Variants in DNAAF9 observed in about 807,000 individuals in gnomAD.
DNAAF9 encodes the protein dynein axonemal assembly factor 9.
DNAAF9 carries 90 observed loss-of-function variants against 167.0 expected under a neutral mutation model. The observed-to-expected ratio is 0.54, with a 90% CI of 0.45 to 0.64. DNAAF9 has a LOEUF of 0.64. DNAAF9 is among the 30% of genes least tolerant of loss of function. The pLI is 0.00. For synonymous variants in DNAAF9, 491 were observed against 508.8 expected, an observed-to-expected ratio of 0.96 and a Z score of 0.47; for missense variants, 1,315 against 1,442.2, an observed-to-expected ratio of 0.91 and a Z score of 1.43.
At chr20:3,260,465 T>C (rs1287017693) in intron 31 of DNAAF9, among the ~76,000 whole-genome samples, 3 of 152,248 alleles carry the variant, frequency 2.0e-5, no homozygotes. Flanking sequence ...GAAGCATGAC[T>C]GCCCAGTTAA....
At chr20:3,292,920 A>G (rs1366609615) in intron 25 of DNAAF9, among the ~76,000 whole-genome samples, 2 of 152,040 alleles carry the variant, frequency 1.3e-5, no homozygotes, top group Admixed American at 1.3e-4. Context: ...CCACATCTCT[A>G]TTAAAAATAC....
In DNAAF9 at chr20:3,285,539, C is replaced by T. The variant is rs549950505; in HGVS notation, c.2486+2093G>A. ...ACTAAAAATACAAAAATTAGCCAGG[C>T]GTGGTGGTGAGCACCTGTAATCCCA... On this transcript the variant is annotated intron_variant, in intron 27 of 36. Transcript: ENST00000252032. 2.6e-5 allele frequency among the ~76,000 whole-genome samples: 4 copies of T among 152,042 alleles called. No homozygotes were observed. In the South Asian group the frequency reaches 8.3e-4, roughly 32 times the overall value.
intron 1 of DNAAF9, among the ~76,000 whole-genome samples, chr20:3,391,500 C>T (rs2123275672): frequency 6.6e-6 from 1 of 151,402 alleles, no homozygotes; most frequent in Non-Finnish European, 1.5e-5. Context: ...ACATAAAAAC[C>T]TAAAGTCATC....
chr20:3,349,209 A>AAAAACAAAC (rs2070262586), intron 7 of DNAAF9, among the ~76,000 whole-genome samples: 1 of 149,630 alleles, frequency 6.7e-6, no homozygotes, highest in African/African-American at 2.5e-5. Context: ...AAAAACAAAA[A>AAAAACAAAC]AAAAAAAAAC....
intron 7 of DNAAF9, among the ~76,000 whole-genome samples, chr20:3,350,148 GACACACAGAC>G (rs1317060979): frequency 4.8e-4 from 33 of 69,000 alleles, no homozygotes; most frequent in African/African-American, 6.4e-4. Context: ...CAGACACACA[GACACACAGAC>G]ACACACACAC....
intron 28 of DNAAF9, 133 bp downstream of exon 28, chr20:3,281,508 A>T: frequency 1.4e-6 from 1 of 726,090 alleles, no homozygotes; most frequent in Non-Finnish European, 2.1e-6. Context: ...GGGTCTATTG[A>T]GGACCTAGCA....
intron 11 of DNAAF9, among the ~76,000 whole-genome samples, chr20:3,331,874 A>G (rs1279803261): frequency 6.6e-6 from 1 of 152,146 alleles, no homozygotes; most frequent in Non-Finnish European, 1.5e-5. Context: ...GGGTTTTGCC[A>G]TGTTGGCCAG....
chr20:3,395,007 G>A (rs1269838731), intron 1 of DNAAF9, among the ~76,000 whole-genome samples: 5 of 112,200 alleles, frequency 4.5e-5, no homozygotes, highest in Admixed American at 1.1e-4. Flanking sequence ...TCGCTCTGTC[G>A]CCCAGGCTGG....
intron 28 of DNAAF9, among the ~76,000 whole-genome samples, chr20:3,281,091 C>T (rs1183495044): frequency 5.3e-5 from 8 of 151,670 alleles, no homozygotes; most frequent in African/African-American, 1.7e-4. Context: ...TGCAGTGGCA[C>T]GATCGCAGCT....
At chr20:3,321,444 A>G (rs1219518469) in intron 16 of DNAAF9, among the ~76,000 whole-genome samples, 1 of 152,260 alleles carries the variant, frequency 6.6e-6, no homozygotes, top group Non-Finnish European at 1.5e-5. Context: ...ATCTACACAT[A>G]GAAATGGTGG....
chr20:3,401,993 T>G (rs2083994346), intron 1 of DNAAF9, among the ~76,000 whole-genome samples: 1 of 152,212 alleles, frequency 6.6e-6, no homozygotes, highest in Admixed American at 6.5e-5. Flanking sequence ...AGTAGCTTCT[T>G]CATAAAACGG....
chr20:3,295,542 T>C (rs2069057594), intron 23 of DNAAF9: 3 of 329,394 alleles, frequency 9.1e-6, no homozygotes, highest in East Asian at 1.5e-4. Flanking sequence ...GAATTCCCCA[T>C]CTACAATGAG....
At chr20:3,341,559 T>C (rs769260356) in intron 9 of DNAAF9, among the ~76,000 whole-genome samples, 1 of 152,218 alleles carries the variant, frequency 6.6e-6, no homozygotes, top group South Asian at 2.1e-4. Context: ...TACCCAGCCA[T>C]CTGAAAGGCC....
At chr20:3,310,320 G>GA (rs757794255) in intron 20 of DNAAF9, among the ~76,000 whole-genome samples, 39 of 65,256 alleles carry the variant, frequency 6.0e-4, no homozygotes, top group Admixed American at 3.6e-3. Flanking sequence ...AAGAAAGAAA[G>GA]GAAAGAGAAA....
Position 3,256,026 on chromosome 20 carries a change from G to A in DNAAF9, c.3241C>T (p.Leu1081=). Residue 1081 remains leucine, a synonymous_variant, in exon 34 of 37, where the codon CTG becomes TTG. Coordinates refer to ENST00000252032, the MANE Select transcript of DNAAF9 (RefSeq NM_001009984.3). ...SLKEDSIKDW[L]RQSAKQKPQR... ...ACCACCTGCTTAGCTGACTGCCGCA[G>A]CCAGTCCTTGATGCTGTCTTCCTTC... The A allele has an allele frequency of 4.3e-6, 7 of 1,613,290 alleles. No individual in the cohort carries two copies. Among genetic ancestry groups the A allele is most frequent in the Non-Finnish European group, 5.9e-6 (7 of 1,179,858 alleles).
chr20:3,344,590 T>TACACACAC (rs4053351), intron 8 of DNAAF9, among the ~76,000 whole-genome samples: 174 of 144,616 alleles, frequency 1.2e-3, no homozygotes, highest in Non-Finnish European at 1.8e-3. Flanking sequence ...TACACACACA[T>TACACACAC]ACACACACAC....
chr20:3,371,214 CT>C (rs1422531770), intron 6 of DNAAF9, among the ~76,000 whole-genome samples: 1 of 143,518 alleles, frequency 7.0e-6, no homozygotes, highest in Non-Finnish European at 1.5e-5. Context: ...TTCCATCTCC[CT>C]TTTTAATTTT....
chr20:3,368,453 T>C (rs1223427153), intron 6 of DNAAF9, among the ~76,000 whole-genome samples: 1 of 152,060 alleles, frequency 6.6e-6, no homozygotes, highest in Non-Finnish European at 1.5e-5. Flanking sequence ...TGACTTGTTT[T>C]TTCTTCCTGG....
chr20:3,293,361 A>C (rs2069000902), intron 25 of DNAAF9, among the ~76,000 whole-genome samples: 2 of 150,870 alleles, frequency 1.3e-5, no homozygotes, highest in African/African-American at 4.9e-5. Context: ...GGGGTCAAGA[A>C]GACGAAGTGT....
Sources: allele counts gnomAD v4.1 joint callset (sites outside exome capture counted in the v4.1 genomes callset), GRCh38; gene constraint gnomAD v4.1.1; transcripts MANE v1.5; gene names NCBI Gene and HGNC (gene_info 2026-07-23, HGNC 2026-07-21).